Variants in FGD4 observed in about 807,000 individuals in gnomAD.
The protein encoded by FGD4 is FYVE, RhoGEF and PH domain containing 4, also known as FYVE, RhoGEF and PH domain-containing protein 4.
In FGD4, 42 loss-of-function variants were observed where a neutral mutation model predicts 102.0. That is an observed-to-expected ratio of 0.41 (90% CI 0.32 to 0.53). FGD4 has a LOEUF of 0.53. Ranked by LOEUF, FGD4 falls within the 20% of genes least tolerant of loss-of-function variation. The probability of loss-of-function intolerance (pLI) is 0.21; values close to 1 mark genes in which losing one functional copy is unlikely to be tolerated. For missense variants in FGD4, 902 were observed against 1,078.2 expected (o/e 0.84, Z 2.29); for synonymous variants, 380 against 375.7 (o/e 1.01, Z -0.13).
intron 1 of FGD4, among the ~76,000 whole-genome samples, chr12:32,531,289 C>T (rs979467068): frequency 6.6e-6 from 1 of 151,966 alleles, no homozygotes; most frequent in Non-Finnish European, 1.5e-5. Context: ...CTTTTATTTG[C>T]TTCTAAATTT....
At chr12:32,595,453 C>T (rs1315190273) in intron 4 of FGD4, among the ~76,000 whole-genome samples, 1 of 152,154 alleles carries the variant, frequency 6.6e-6, no homozygotes, top group Non-Finnish European at 1.5e-5. Flanking sequence ...CTCTCATTCT[C>T]TGGGAGCCTG....
At chr12:32,620,563 A>G (rs1367759304) in intron 11 of FGD4, among the ~76,000 whole-genome samples, 3 of 114,122 alleles carry the variant, frequency 2.6e-5, no homozygotes, top group Admixed American at 2.7e-4. Context: ...TTTCGCTCTC[A>G]TTGGCCAGAC....
At chr12:32,607,858 G>A (rs896009960) in intron 7 of FGD4, 99 bp from the exon 8 acceptor site, 20 of 1,380,522 alleles carry the variant, frequency 1.4e-5, no homozygotes, top group Admixed American at 3.4e-5. Context: ...ACACTTTGTC[G>A]AAAAATATTG....
At chr12:32,530,987 C>CTG (rs1195927891) in intron 1 of FGD4, among the ~76,000 whole-genome samples, 7 of 106,066 alleles carry the variant, frequency 6.6e-5, no homozygotes, top group African/African-American at 2.7e-4. Flanking sequence ...GAGCCTTGCT[C>CTG]TGTCGCCAGG....
intron 1 of FGD4, among the ~76,000 whole-genome samples, chr12:32,473,271 G>C (rs1479779491): frequency 6.6e-6 from 1 of 151,764 alleles, no homozygotes; most frequent in African/African-American, 2.4e-5. Context: ...TCCACACTGT[G>C]GAAGTTTTGT....
chr12:32,587,932 G>A (rs1283459746), intron 4 of FGD4, among the ~76,000 whole-genome samples: 1 of 152,210 alleles, frequency 6.6e-6, no homozygotes, highest in Non-Finnish European at 1.5e-5. Flanking sequence ...AGAGGATGGT[G>A]CATGAGGGTG....
chr12:32,474,098 A>C (rs1943520089), intron 1 of FGD4, among the ~76,000 whole-genome samples: 2 of 151,978 alleles, frequency 1.3e-5, no homozygotes, highest in Non-Finnish European at 2.9e-5. Flanking sequence ...AAAAAAAAAA[A>C]ACAAAAAGTA....
chr12:32,552,944 ATTTT>A, intron 1 of FGD4, among the ~76,000 whole-genome samples: 1 of 123,878 alleles, frequency 8.1e-6, no homozygotes, highest in African/African-American at 3.2e-5. Context: ...CGCCTGGCTA[ATTTT>A]TTTTTTTTTT....
At chr12:32,600,449 C>T (rs1350147166) in intron 5 of FGD4, 10 of 1,287,270 alleles carry the variant, frequency 7.8e-6, no homozygotes, top group Non-Finnish European at 1.0e-5. Flanking sequence ...TAACAACCAT[C>T]TGGACATTAT....
intron 2 of FGD4, among the ~76,000 whole-genome samples, chr12:32,568,656 TGAGTAACTTACATAAATATA>T (rs1338312905): frequency 6.6e-6 from 1 of 152,256 alleles, no homozygotes; most frequent in Non-Finnish European, 1.5e-5. Context: ...CATTGTTGTT[TGAGTAACTTACATAAATATA>T]GAGTACTTAA....
Position 32,493,205 on chromosome 12 carries a change from C to T in FGD4, c.167-70932C>T, listed in dbSNP as rs145441483. On this transcript the variant is annotated intron_variant, in intron 1 of 16. Coordinates refer to ENST00000534526, the MANE Select transcript of FGD4 (RefSeq NM_001370298.3). ...AATATAGCAGAGAAATAGGGAGATACAGAAAAAAGGGTTTTTGTTTTGTTT... is the reference window on the plus strand; with the variant it reads ...AATATAGCAGAGAAATAGGGAGATATAGAAAAAAGGGTTTTTGTTTTGTTT... Among the ~76,000 whole-genome samples the T allele has an allele frequency of 7.3e-4, 111 of 152,062 alleles. 1 individual carries two copies. Among genetic ancestry groups the T allele is most frequent in the Middle Eastern group, 6.8e-3 (2 of 294 alleles).
At chr12:32,548,389 C>T (rs373796397) in intron 1 of FGD4, among the ~76,000 whole-genome samples, 7 of 152,206 alleles carry the variant, frequency 4.6e-5, no homozygotes, top group Admixed American at 6.5e-5. Flanking sequence ...CAGAAATTTG[C>T]TTTTGTATTC....
At chr12:32,560,040 GAGGTGGCCTTTAGTAGGCTCAA>G (rs1347847597) in intron 1 of FGD4, among the ~76,000 whole-genome samples, 1 of 152,154 alleles carries the variant, frequency 6.6e-6, no homozygotes, top group Non-Finnish European at 1.5e-5. Context: ...TAGACCCCGG[GAGGTGGCCTTTAGTAGGCTCAA>G]AGGTGGCCTT....
intron 1 of FGD4, among the ~76,000 whole-genome samples, chr12:32,525,347 A>T (rs756047663): frequency 3.5e-4 from 54 of 152,220 alleles, no homozygotes; most frequent in Non-Finnish European, 5.9e-4. Flanking sequence ...ACATATGGCT[A>T]TGTGTCCATA....
intron 1 of FGD4, among the ~76,000 whole-genome samples, chr12:32,545,988 T>C (rs1276970011): frequency 6.6e-6 from 1 of 152,232 alleles, no homozygotes; most frequent in Admixed American, 6.5e-5. Flanking sequence ...AAGAATTCAT[T>C]TTAAATCTGA....
intron 1 of FGD4, among the ~76,000 whole-genome samples, chr12:32,467,486 T>A (rs1334737644): frequency 6.6e-6 from 1 of 152,152 alleles, no homozygotes; most frequent in Non-Finnish European, 1.5e-5. Context: ...GTAATTAAAG[T>A]CTATATAGCA....
Position 32,576,399 on chromosome 12 carries a change from A to T in FGD4, c.453A>T (p.Lys151Asn). ...IKPASASCVS[K>N]EKPSKVSDLI... ...CTGCCTCTGCTTCTTGTGTCTCAAA[A>T]GAAAAACCCAGTAAGGTATCAGATC... The change falls in exon 3 of 17, where the codon AAA becomes AAT. Residue 151 changes from lysine to asparagine, a missense_variant. Physicochemically the swap from Lys to Asn is moderately conservative, Grantham distance 94. Coordinates refer to ENST00000534526, the MANE Select transcript of FGD4 (RefSeq NM_001370298.3). The T allele has an allele frequency of 1.2e-6, 2 of 1,614,186 alleles. No individual in the cohort carries two copies. The highest frequency in any genetic ancestry group is 2.2e-5 in the East Asian group (1 of 44,876).
chr12:32,586,763 T>A (rs1164561157), intron 4 of FGD4, among the ~76,000 whole-genome samples: 1 of 152,118 alleles, frequency 6.6e-6, no homozygotes, highest in Non-Finnish European at 1.5e-5. Context: ...CTAGGCTGGA[T>A]GAATTGGCAG....
chr12:32,629,726 T>C (rs1306342381), intron 14 of FGD4, among the ~76,000 whole-genome samples: 1 of 152,202 alleles, frequency 6.6e-6, no homozygotes, highest in African/African-American at 2.4e-5. Flanking sequence ...TGTTCATTTT[T>C]AATTTTTAAT....
Sources: gnomAD v4.1 joint callset for allele counts (sites outside exome capture counted in the v4.1 genomes callset) on GRCh38, gnomAD v4.1.1 for gene constraint, MANE v1.5 for transcripts, NCBI Gene and HGNC (gene_info 2026-07-23, HGNC 2026-07-21) for gene names.